PHACTR3: variants seen among roughly 807,000 people sequenced by gnomAD.
The protein encoded by PHACTR3 is phosphatase and actin regulator 3, also known as protein phosphatase 1, regulatory subunit 123.
PHACTR3 carries 16 observed loss-of-function variants against 66.8 expected under a neutral mutation model. The ratio of observed to expected loss-of-function variants is 0.24; its 90% confidence interval spans 0.16 to 0.36. The LOEUF is 0.36. Among genes scored for constraint, PHACTR3 ranks in the 10% least tolerant of loss-of-function variants. PHACTR3 has a pLI of 1.00. For missense variants in PHACTR3, 647 were observed against 719.9 expected, an observed-to-expected ratio of 0.90 and a Z score of 1.16; for synonymous variants, 323 against 292.1, an observed-to-expected ratio of 1.11 and a Z score of -1.08.
chr20:59,662,216 C>G (rs2035833266), intron 1 of PHACTR3, among the ~76,000 whole-genome samples: 1 of 148,824 alleles, frequency 6.7e-6, no homozygotes, highest in Non-Finnish European at 1.5e-5. Context: ...TCTTGAGAGA[C>G]ACAGACACTA....
intron 1 of PHACTR3, among the ~76,000 whole-genome samples, chr20:59,725,837 A>G (rs2038541726): frequency 6.6e-6 from 1 of 152,124 alleles, no homozygotes; most frequent in Non-Finnish European, 1.5e-5. Context: ...GAGGACAGAG[A>G]GGCTGAGAGG....
At chr20:59,787,012 T>C (rs1353492621) in intron 7 of PHACTR3, among the ~76,000 whole-genome samples, 4 of 152,282 alleles carry the variant, frequency 2.6e-5, no homozygotes, top group African/African-American at 7.2e-5. Flanking sequence ...ATGGTGGCAG[T>C]GGTGTCAGAG....
At chr20:59,726,423 C>T (rs1440036816) in intron 1 of PHACTR3, among the ~76,000 whole-genome samples, 1 of 152,142 alleles carries the variant, frequency 6.6e-6, no homozygotes, top group Non-Finnish European at 1.5e-5. Context: ...CCACTTATTC[C>T]CCATGACACT....
rs185057325 is a variant in PHACTR3, at chr20:59,829,508, G to A, written c.1329-6997G>A. Among the ~76,000 whole-genome samples, 190 of 152,346 alleles carry A rather than the reference G, an allele frequency of 1.2e-3. No homozygotes were observed. The highest frequency in any genetic ancestry group is 4.0e-3 in the African/African-American group (167 of 41,582). ...CCTGTCATCCGTGCACCCAGATGGT[G>A]TGCGCCTGGGGGCAAGCAGACGAGA... On this transcript the variant is annotated intron_variant, in intron 8 of 12. Coordinates refer to ENST00000371015, the MANE Select transcript of PHACTR3 (RefSeq NM_080672.5). This position sits in a 1 kb window ranked among gnomAD's most constrained non-coding sequence, Gnocchi z 4.2.
intron 5 of PHACTR3, among the ~76,000 whole-genome samples, chr20:59,772,337 C>T (rs1396667943): frequency 4.6e-5 from 7 of 152,206 alleles, no homozygotes; most frequent in African/African-American, 1.2e-4. Context: ...GTTTATTGCC[C>T]GTGTTTTAAG....
chr20:59,796,036 A>G (rs925220252), intron 7 of PHACTR3, among the ~76,000 whole-genome samples: 17 of 151,940 alleles, frequency 1.1e-4, no homozygotes, highest in African/African-American at 3.6e-4. Context: ...AGATCTTTTG[A>G]TCCTCTTTTC....
chr20:59,808,926 A>C (rs2041652495), intron 8 of PHACTR3, among the ~76,000 whole-genome samples: 1 of 152,024 alleles, frequency 6.6e-6, no homozygotes, highest in African/African-American at 2.4e-5. Context: ...CTTCCACTAG[A>C]TACTAGTAGT....
At chr20:59,687,832 T>C (rs146858473) in intron 1 of PHACTR3, among the ~76,000 whole-genome samples, 1 of 152,180 alleles carries the variant, frequency 6.6e-6, no homozygotes, top group African/African-American at 2.4e-5. Context: ...AGTAGTGCTG[T>C]TTCAGATGAA....
chr20:59,741,265 G>A (rs900246270), intron 1 of PHACTR3, among the ~76,000 whole-genome samples: 1 of 152,228 alleles, frequency 6.6e-6, no homozygotes, highest in Non-Finnish European at 1.5e-5. Flanking sequence ...CTGACCACGC[G>A]CTGACCATGG....
intron 1 of PHACTR3, among the ~76,000 whole-genome samples, chr20:59,672,098 G>A (rs754016156): frequency 2.0e-5 from 3 of 152,230 alleles, no homozygotes; most frequent in Non-Finnish European, 2.9e-5. Context: ...TTTGGGCACC[G>A]TCTGGAGGCA....
Position 59,817,231 on chromosome 20 carries a change from G to A in PHACTR3, c.1328+11037G>A, listed in dbSNP as rs115531547. 1.3e-3 allele frequency among the ~76,000 whole-genome samples: 200 copies of A among 152,328 alleles called. 1 individual carries two copies. The highest frequency in any genetic ancestry group is 4.6e-3 in the African/African-American group (191 of 41,568). Reference sequence around the variant, plus strand: ...ATTTGTGAATAGTGTGAGCCCTCAGGACCTCAGTGGCCATTGCCAATTTTG... The same window carrying A: ...ATTTGTGAATAGTGTGAGCCCTCAGAACCTCAGTGGCCATTGCCAATTTTG... On this transcript the variant is annotated intron_variant, in intron 8 of 12. Coordinates refer to ENST00000371015, the MANE Select transcript of PHACTR3 (RefSeq NM_080672.5).
chr20:59,703,427 G>A (rs755347056), intron 1 of PHACTR3, among the ~76,000 whole-genome samples: 44 of 152,240 alleles, frequency 2.9e-4, no homozygotes, highest in Non-Finnish European at 4.7e-4. Flanking sequence ...TTCAAGGAAA[G>A]CATCTTCAGA....
At chr20:59,841,854 C>T (rs935887000) in intron 11 of PHACTR3, among the ~76,000 whole-genome samples, 1 of 152,096 alleles carries the variant, frequency 6.6e-6, no homozygotes, top group African/African-American at 2.4e-5. Flanking sequence ...GCCCCCACAA[C>T]AAAGGATTAT....
At chr20:59,826,763 C>T (rs2042203475) in intron 8 of PHACTR3, among the ~76,000 whole-genome samples, 1 of 152,314 alleles carries the variant, frequency 6.6e-6, no homozygotes, top group South Asian at 2.1e-4. Context: ...GCGTCTCTCC[C>T]TCCTCTTTGC....
rs147875166 is a variant in PHACTR3, at chr20:59,731,611, A to T, written c.119-11496A>T. 2.6e-5 allele frequency among the ~76,000 whole-genome samples: 4 copies of T among 152,328 alleles called. No individual in the cohort carries two copies. The East Asian group carries it at 5.8e-4, about 22-fold the overall frequency. On this transcript the variant is annotated intron_variant, in intron 1 of 12. Transcript: ENST00000371015. Reference sequence around the variant, plus strand: ...GACCATTGGCAGTACTATAGGGTTGATACTAAACAGATGGGCTTTCTAGTT... The same window carrying T: ...GACCATTGGCAGTACTATAGGGTTGTTACTAAACAGATGGGCTTTCTAGTT...
At chr20:59,623,898 G>A (rs1435177496) in intron 1 of PHACTR3, among the ~76,000 whole-genome samples, 1 of 152,220 alleles carries the variant, frequency 6.6e-6, no homozygotes, top group Non-Finnish European at 1.5e-5. Flanking sequence ...GGAGCAGAGG[G>A]TGACCCACTG....
chr20:59,831,400 T>C (rs1017397221), intron 8 of PHACTR3, among the ~76,000 whole-genome samples: 8 of 152,116 alleles, frequency 5.3e-5, no homozygotes, highest in Non-Finnish European at 1.2e-4. Context: ...TCTCTGTCCC[T>C]GGGGTTTCTT....
At position 59,802,411 on chromosome 20, in the gene PHACTR3, G is replaced by A. The variant is rs1460197603; in HGVS notation, c.1175-3630G>A. 2.0e-5 allele frequency among the ~76,000 whole-genome samples: 3 copies of A among 152,228 alleles called. No individual in the cohort carries two copies. In the East Asian group the frequency reaches 5.8e-4, roughly 29 times the overall value. On this transcript the variant is annotated intron_variant, in intron 7 of 12. Transcript: ENST00000371015. ...TAATCATTGAGGCAGGAGGATAGCAGGCTAGGGCAGAGACCTGCAAGGAGA... is the reference window on the plus strand; with the variant it reads ...TAATCATTGAGGCAGGAGGATAGCAAGCTAGGGCAGAGACCTGCAAGGAGA...
intron 8 of PHACTR3, among the ~76,000 whole-genome samples, chr20:59,813,289 C>T (rs531831674): frequency 1.4e-4 from 22 of 152,312 alleles, no homozygotes; most frequent in Middle Eastern, 3.4e-3. Flanking sequence ...CAAGCGCTGA[C>T]GGTTTCTCTT....
Sources: allele counts gnomAD v4.1 joint callset (sites outside exome capture counted in the v4.1 genomes callset), GRCh38; gene constraint gnomAD v4.1.1; non-coding constraint Gnocchi (gnomAD v3.1); transcripts MANE v1.5; gene names NCBI Gene and HGNC (gene_info 2026-07-23, HGNC 2026-07-21).